Variants in MTRF1 observed in about 807,000 individuals in gnomAD.
The protein encoded by MTRF1 is peptide chain release factor 1, mitochondrial.
In MTRF1, 51 loss-of-function variants were observed where a neutral mutation model predicts 62.9. The observed-to-expected ratio is 0.81, with a 90% CI of 0.65 to 1.02. The LOEUF is 1.02. Among genes scored for constraint, MTRF1 ranks in the 50% least tolerant of loss-of-function variants. The pLI, the probability that MTRF1 is intolerant of heterozygous loss-of-function variation, is 0.00. For synonymous variants in MTRF1, 158 were observed against 181.9 expected, an observed-to-expected ratio of 0.87 and a Z score of 1.06; for missense variants, 446 against 530.0, an observed-to-expected ratio of 0.84 and a Z score of 1.56.
the MTRF1 span, among the ~76,000 whole-genome samples, chr13:41,282,320 G>A: frequency 1.3e-5 from 2 of 152,236 alleles, no homozygotes; most frequent in South Asian, 4.1e-4. Context: ...ATCTGGGCAT[G>A]GTGGCATGTG....
chr13:41,311,749 C>T, the MTRF1 span, among the ~76,000 whole-genome samples: 2 of 152,226 alleles, frequency 1.3e-5, no homozygotes, highest in Admixed American at 6.5e-5. Flanking sequence ...CCGGCCGGCC[C>T]ACGGGGGCTG....
chr13:41,242,975 C>T (rs2037728600), intron 5 of MTRF1, among the ~76,000 whole-genome samples: 1 of 151,968 alleles, frequency 6.6e-6, no homozygotes, highest in Admixed American at 6.6e-5. Context: ...AGTCCCAGCA[C>T]TTTGGGAGGC....
the MTRF1 span, among the ~76,000 whole-genome samples, chr13:41,285,048 G>A: frequency 3.3e-5 from 5 of 152,094 alleles, no homozygotes; most frequent in Admixed American, 6.6e-5. Context: ...TGAGTTCCTC[G>A]AATTGTTGAC....
At chr13:41,283,026 T>C in the MTRF1 span, among the ~76,000 whole-genome samples, 1 of 152,220 alleles carries the variant, frequency 6.6e-6, no homozygotes, top group Admixed American at 6.5e-5. Flanking sequence ...TTGTTTTTAC[T>C]TTCTTTGATT....
the MTRF1 span, among the ~76,000 whole-genome samples, chr13:41,311,862 G>C: frequency 6.6e-6 from 1 of 152,244 alleles, no homozygotes; most frequent in Non-Finnish European, 1.5e-5. Flanking sequence ...CGCAGTGCCC[G>C]GGCACAGCCG....
At chr13:41,299,632 GA>G in the MTRF1 span, among the ~76,000 whole-genome samples, 1 of 152,016 alleles carries the variant, frequency 6.6e-6, no homozygotes, top group Admixed American at 6.6e-5. Flanking sequence ...CTTTCCTTTT[GA>G]ATGGCCAAAA....
chr13:41,254,512 G>A lies in MTRF1; in HGVS notation c.507+17C>T, dbSNP rs1411785933. The A allele has an allele frequency of 1.8e-5, 28 of 1,593,554 alleles. No individual in the cohort carries two copies. The highest frequency in any genetic ancestry group is 2.2e-5 in the Non-Finnish European group (25 of 1,162,336). On this transcript the variant is annotated intron_variant, in intron 3 of 9. Coordinates refer to ENST00000379480, the MANE Select transcript of MTRF1 (RefSeq NM_004294.4). ...TTATACAGCACTATTGAAACTAGTC[G>A]ACCTCTGAAAACCTACCTCATTGTA... is the stretch of plus-strand genomic sequence containing the variant.
chr13:41,218,155 G>A (rs1211716806), intron 9 of MTRF1, among the ~76,000 whole-genome samples: 2 of 151,896 alleles, frequency 1.3e-5, no homozygotes, highest in African/African-American at 2.4e-5. Flanking sequence ...TTGCTCTGTC[G>A]CCCAGGCTGG....
At chr13:41,278,405 G>A in the MTRF1 span, among the ~76,000 whole-genome samples, 2 of 151,916 alleles carry the variant, frequency 1.3e-5, no homozygotes, top group African/African-American at 2.4e-5. Flanking sequence ...CAGAGTTTTT[G>A]TGAGTTTAAA....
chr13:41,278,688 T>C, the MTRF1 span, among the ~76,000 whole-genome samples: 1 of 152,218 alleles, frequency 6.6e-6, no homozygotes, highest in African/African-American at 2.4e-5. Context: ...AGCAAGTTAC[T>C]TCCCCTCAGT....
intron 7 of MTRF1, 141 bp from the exon 8 acceptor site, chr13:41,226,709 C>A: frequency 1.1e-6 from 1 of 943,804 alleles, no homozygotes; most frequent in South Asian, 1.5e-5. Flanking sequence ...ACTTCAGAAA[C>A]TAGCTGGGTT....
chr13:41,226,508 C>G lies in MTRF1; in HGVS notation c.1049G>C (p.Arg350Pro). ...SQIKNKEIAFRVLRARLYQQI... is the reference protein window; with the variant it reads ...SQIKNKEIAFPVLRARLYQQI... ...CTGGTAGAGTCTAGCTCTCAACACA[C>G]GAAAGGCTATTTCTTTATTTTTTAT... Residue 350 changes from arginine (R) to proline (P), a missense_variant, in exon 8 of 10, where the codon CGT becomes CCT. Coordinates refer to ENST00000379480, the MANE Select transcript of MTRF1 (RefSeq NM_004294.4). 6.2e-7 allele frequency: 1 copy of G among 1,613,944 alleles called. No homozygotes were observed. The highest frequency in any genetic ancestry group is 2.2e-5 in the East Asian group (1 of 44,870).
the MTRF1 span, among the ~76,000 whole-genome samples, chr13:41,279,838 C>T: frequency 6.6e-6 from 1 of 152,062 alleles, no homozygotes; most frequent in Non-Finnish European, 1.5e-5. Context: ...TAAGAGGCAC[C>T]CTTTTAGGTC....
chr13:41,236,360 C>T (rs2036575994), intron 6 of MTRF1: 1 of 152,214 alleles, frequency 6.6e-6, no homozygotes, highest in Non-Finnish European at 1.5e-5. Context: ...GTGATCCATC[C>T]ACCTTGGCCT....
At chr13:41,311,238 C>A in the MTRF1 span, 1 of 518,678 alleles carries the variant, frequency 1.9e-6, no homozygotes, top group Non-Finnish European at 3.4e-6. Flanking sequence ...CAGGATCCGG[C>A]TCGGGAGGCG....
At chr13:41,295,363 C>T in the MTRF1 span, among the ~76,000 whole-genome samples, 3 of 152,178 alleles carry the variant, frequency 2.0e-5, no homozygotes, top group Non-Finnish European at 4.4e-5. Flanking sequence ...TGTGTCCCTA[C>T]ACAAGGTACT....
the MTRF1 span, among the ~76,000 whole-genome samples, chr13:41,284,863 C>T: frequency 3.9e-5 from 6 of 152,150 alleles, no homozygotes; most frequent in East Asian, 1.9e-4. Flanking sequence ...CATGTTGGCC[C>T]GGCTGGTCTT....
intron 2 of MTRF1, among the ~76,000 whole-genome samples, chr13:41,258,487 C>T (rs550030350): frequency 6.6e-6 from 1 of 150,540 alleles, no homozygotes; most frequent in East Asian, 1.9e-4. Context: ...AAAAAATAGC[C>T]GGTAGTCCCA....
chr13:41,294,276 G>T, the MTRF1 span, among the ~76,000 whole-genome samples: 1 of 151,890 alleles, frequency 6.6e-6, no homozygotes, highest in Admixed American at 6.6e-5. Flanking sequence ...AAATTAGCTG[G>T]GCGTGGTGGT....
Sources: gnomAD v4.1 joint callset for allele counts (sites outside exome capture counted in the v4.1 genomes callset) on GRCh38, gnomAD v4.1.1 for gene constraint, MANE v1.5 for transcripts, NCBI Gene and HGNC (gene_info 2026-07-23, HGNC 2026-07-21) for gene names.